The following MESD variants were observed in gnomAD, a reference collection of about 807,000 sequenced individuals.
The protein encoded by MESD is mesoderm development LRP chaperone, also known as LRP chaperone MESD.
A neutral mutation model predicts 12.9 loss-of-function variants in MESD; 7 were observed. That is an observed-to-expected ratio of 0.54 (90% CI 0.31 to 1.02). The LOEUF is 1.02. MESD is among the 50% of genes least tolerant of loss of function. The pLI, the probability that MESD is intolerant of heterozygous loss-of-function variation, is 0.05. For synonymous variants in MESD, 126 were observed against 115.6 expected, an observed-to-expected ratio of 1.09 and a Z score of -0.58; for missense variants, 342 against 296.7, an observed-to-expected ratio of 1.15 and a Z score of -1.12.
At chr15:80,964,701 G>C (rs183062677) in intron 3 of MESD, among the ~76,000 whole-genome samples, 2 of 151,946 alleles carry the variant, frequency 1.3e-5, no homozygotes, top group Admixed American at 6.6e-5. Flanking sequence ...ACAAGCAATG[G>C]GGAAAGGATT....
In MESD at chr15:80,989,741, A is replaced by C. The variant is rs768703880; in HGVS notation, c.51T>G (p.Ser17=). The C allele has an allele frequency of 1.2e-6, 2 of 1,603,844 alleles. No individual in the cohort carries two copies. Among genetic ancestry groups the C allele is most frequent in the Admixed American group, 3.3e-5 (2 of 59,924 alleles). ...ARKAVVLLCA[S]DLLLLLLLLP... is the part of the protein sequence containing the mutation. Reference sequence around the variant, plus strand: ...GCAGTAGCAGCAGCAGCAGCAGGTCAGAGGCACAAAGCAGGACCACGGCCT... The same window carrying C: ...GCAGTAGCAGCAGCAGCAGCAGGTCCGAGGCACAAAGCAGGACCACGGCCT... The change falls in exon 1 of 3, where the codon TCT becomes TCG. Residue 17 remains serine (S), a synonymous_variant. Coordinates refer to ENST00000261758, the MANE Select transcript of MESD (RefSeq NM_015154.3).
intron 4 of MESD, chr15:80,948,937 C>G (rs780764277): frequency 1.9e-6 from 3 of 1,614,166 alleles, no homozygotes; most frequent in Non-Finnish European, 2.5e-6. Context: ...ACAGCTGCCG[C>G]CCGGTGCCAC....
intron 1 of MESD, among the ~76,000 whole-genome samples, chr15:80,983,109 G>A (rs923827387): frequency 6.6e-6 from 1 of 151,968 alleles, no homozygotes; most frequent in African/African-American, 2.4e-5. Flanking sequence ...CAGGTGTGGC[G>A]GCAGGTGCCT....
downstream of MESD, among the ~76,000 whole-genome samples, chr15:80,972,073 A>T (rs1283014908): frequency 6.6e-6 from 1 of 152,212 alleles, no homozygotes; most frequent in Non-Finnish European, 1.5e-5. Context: ...AATAGAGAGC[A>T]CAGATACAGG....
At chr15:80,962,392 G>A (rs544504883) in intron 3 of MESD, among the ~76,000 whole-genome samples, 1 of 152,170 alleles carries the variant, frequency 6.6e-6, no homozygotes, top group Admixed American at 6.5e-5. Flanking sequence ...AGTAATAATG[G>A]GAGACTTTAA....
chr15:80,969,740 A>C (rs1238647322), intron 3 of MESD, among the ~76,000 whole-genome samples: 2 of 152,192 alleles, frequency 1.3e-5, no homozygotes, highest in Non-Finnish European at 2.9e-5. Flanking sequence ...CTGTAATCCC[A>C]GCTACTCAGG....
chr15:80,960,905 C>T (rs1423825772), intron 3 of MESD, among the ~76,000 whole-genome samples: 1 of 152,144 alleles, frequency 6.6e-6, no homozygotes, highest in African/African-American at 2.4e-5. Flanking sequence ...CAATTGGAGG[C>T]ACCGTCAACA....
rs887831432 is a variant in MESD at position 80,979,020 on chromosome 15, T to C, written c.*199A>G. 18 of 648,072 alleles carry C rather than the reference T, an allele frequency of 2.8e-5. No homozygotes were observed. The African/African-American group carries it at 3.1e-4, about 11-fold the overall frequency. The allele number at this position is 648,072 out of a possible 1,614,324, so 40.1% of individuals were successfully genotyped here. On this transcript the variant is annotated 3_prime_UTR_variant, in exon 3 of 3. Coordinates refer to ENST00000261758, the MANE Select transcript of MESD (RefSeq NM_015154.3). ...GAATTTGTCAGTGTCCAGTATTAAT[T>C]AGAAAACATCTGTCTTCTTACTTGA... is the stretch of plus-strand genomic sequence containing the variant.
At chr15:80,958,189 C>T (rs28576249) in intron 3 of MESD, among the ~76,000 whole-genome samples, 1 of 152,114 alleles carries the variant, frequency 6.6e-6, no homozygotes, top group Non-Finnish European at 1.5e-5. Flanking sequence ...TTCCTCTACC[C>T]TCCCATTCGC....
Position 80,989,729 on chromosome 15 carries a change from C to G in MESD, c.63G>C (p.Leu21=). 1 of 1,606,590 alleles carries G rather than the reference C, an allele frequency of 6.2e-7. No homozygotes were observed. Among genetic ancestry groups the G allele is most frequent in the Non-Finnish European group, 8.5e-7 (1 of 1,179,890 alleles). ...VVLLCASDLL[L]LLLLLPPPGS... is the part of the protein sequence containing the mutation. The stretch of plus-strand genomic sequence containing the variant: ...CAGGCGGTGGTAGCAGTAGCAGCAG[C>G]AGCAGCAGGTCAGAGGCACAAAGCA... The change falls in exon 1 of 3, where the codon CTG becomes CTC. Residue 21 remains leucine, a synonymous_variant. Transcript: ENST00000261758.
intron 3 of MESD, among the ~76,000 whole-genome samples, chr15:80,953,245 C>A (rs1456138241): frequency 6.6e-6 from 1 of 152,166 alleles, no homozygotes; most frequent in Non-Finnish European, 1.5e-5. Flanking sequence ...TTACTAGTGA[C>A]TTCTCAGCCA....
At chr15:80,958,045 T>C (rs371219294) in intron 3 of MESD, among the ~76,000 whole-genome samples, 2 of 152,172 alleles carry the variant, frequency 1.3e-5, no homozygotes, top group Non-Finnish European at 2.9e-5. Context: ...CCATCCCAGA[T>C]TGCCTCTTTT....
chr15:80,971,031 T>TA (rs1454092541), downstream of MESD, among the ~76,000 whole-genome samples: 1 of 152,156 alleles, frequency 6.6e-6, no homozygotes, highest in Non-Finnish European at 1.5e-5. Flanking sequence ...GGATTCTTGC[T>TA]AAAATGGGCA....
chr15:80,965,898 C>A (rs1329824304), intron 3 of MESD, among the ~76,000 whole-genome samples: 1 of 152,016 alleles, frequency 6.6e-6, no homozygotes, highest in African/African-American at 2.4e-5. Flanking sequence ...AACGTGTATA[C>A]CTATGTAACA....
chr15:80,962,647 C>T (rs1021851586), intron 3 of MESD, among the ~76,000 whole-genome samples: 4 of 152,308 alleles, frequency 2.6e-5, no homozygotes, highest in Admixed American at 6.5e-5. Flanking sequence ...TCTCAGACCA[C>T]AGTGCAATCA....
chr15:80,954,024 C>T (rs1033781726), intron 3 of MESD, among the ~76,000 whole-genome samples: 3 of 152,128 alleles, frequency 2.0e-5, no homozygotes, highest in African/African-American at 7.2e-5. Flanking sequence ...AATCCTCATC[C>T]CCTCCCACTG....
chr15:80,970,387 G>C (rs1902259412), intron 3 of MESD: 1 of 152,172 alleles, frequency 6.6e-6, no homozygotes, highest in Non-Finnish European at 1.5e-5. Context: ...ACTTAATAGG[G>C]GTCTTACGAA....
downstream of MESD, among the ~76,000 whole-genome samples, chr15:80,971,810 T>C (rs899798236): frequency 7.3e-5 from 11 of 151,650 alleles, no homozygotes; most frequent in African/African-American, 1.5e-4. Flanking sequence ...CTGAGACAAG[T>C]AGGACCACGC....
rs139827575 is a variant in MESD at position 80,949,022 on chromosome 15, C to T, written c.*627-124G>A. ...GGCTGGGTCCCCCAGCCCCTGCCAGCAGCTGCCTGGGAAGGCCGTGTTTCA... is the reference window on the plus strand; with the variant it reads ...GGCTGGGTCCCCCAGCCCCTGCCAGTAGCTGCCTGGGAAGGCCGTGTTTCA... On this transcript the variant is annotated intron_variant, in intron 4 of 4. Coordinates refer to the MESD transcript ENST00000561312. 2.3e-4 allele frequency: 348 copies of T among 1,524,878 alleles called. 1 individual carries two copies. In the African/African-American group the frequency reaches 4.3e-3, roughly 19 times the overall value. The allele number at this position is 1,524,878 out of a possible 1,614,324, so 94.5% of individuals were successfully genotyped here.
Sources: allele counts gnomAD v4.1 joint callset (sites outside exome capture counted in the v4.1 genomes callset), GRCh38; gene constraint gnomAD v4.1.1; transcripts MANE v1.5; gene names NCBI Gene and HGNC (gene_info 2026-07-23, HGNC 2026-07-21).